INTS6L: variants seen among roughly 807,000 people sequenced by gnomAD.
INTS6L encodes integrator complex subunit 6 like.
Under a neutral mutation model 64.7 loss-of-function variants are expected in INTS6L, and 18 were observed. The ratio of observed to expected loss-of-function variants is 0.28; its 90% CI spans 0.19 to 0.41. INTS6L has a LOEUF of 0.41. Among genes scored for constraint, INTS6L ranks in the 10% least tolerant of loss-of-function variants. The pLI is 1.00. For synonymous variants in INTS6L, 227 were observed against 235.9 expected (o/e 0.96, Z 0.34); for missense variants, 533 against 661.0 (o/e 0.81, Z 2.12).
At chrX:135,558,152 A>G (rs1259743618) in intron 9 of INTS6L, among the ~76,000 whole-genome samples, 2 of 111,994 alleles carry the variant, frequency 1.8e-5, no homozygotes, top group Non-Finnish European at 3.8e-5. Context: ...ACAGAAAATG[A>G]GAAGTGTTGG....
Position 135,574,019 on chromosome X carries a change from C to T in INTS6L, c.1698C>T (p.Ser566=). The part of the protein sequence containing the change: ...GLLDQLTRMR[S]NLLKTHKFIV... ...TAGACCAGCTGACCAGAATGAGATC[C>T]AATCTGCTGAAAACGCACAAGTTTA... Residue 566 remains serine (S), a synonymous_variant, in exon 13 of 18, where the codon TCC becomes TCT. Transcript: ENST00000639893. 8.3e-7 allele frequency: 1 copy of T among 1,203,740 alleles called. No homozygotes were observed.
intron 12 of INTS6L, 105 bp from the exon 13 acceptor site, chrX:135,573,834 G>A: frequency 1.1e-6 from 1 of 915,126 alleles, no homozygotes; most frequent in Non-Finnish European, 1.5e-6. Flanking sequence ...GTAGTCAGTT[G>A]TATTGATATA....
Position 135,579,568 on chromosome X carries a change from T to A in INTS6L, c.2120-220T>A, listed in dbSNP as rs781904373. 3.6e-5 allele frequency among the ~76,000 whole-genome samples: 4 copies of A among 112,327 alleles called. No homozygotes were observed. The East Asian group carries it at 1.1e-3, about 31-fold the overall frequency. On this transcript the variant is annotated intron_variant, in intron 15 of 17. Coordinates refer to ENST00000639893, the MANE Select transcript of INTS6L (RefSeq NM_001351601.3). ...TGAATGTGTGTTTAGAGTTGTACTG[T>A]CTTACTTGGTTTCCATATGTATTCA...
intron 12 of INTS6L, 152 bp from the exon 13 acceptor site, chrX:135,573,787 C>A: frequency 1.8e-6 from 1 of 546,547 alleles, no homozygotes; most frequent in Non-Finnish European, 2.8e-6. Flanking sequence ...CAGAACAAGG[C>A]TAGCAAGTGG....
chrX:135,538,042 T>C (rs1202640733), intron 2 of INTS6L, among the ~76,000 whole-genome samples: 3 of 112,544 alleles, frequency 2.7e-5, no homozygotes, highest in Admixed American at 1.9e-4. Context: ...ATCAGGGCAG[T>C]TGTTGCTGAA....
chrX:135,553,481 A>ATTTT (rs1162273649), intron 8 of INTS6L, among the ~76,000 whole-genome samples: 2 of 80,784 alleles, frequency 2.5e-5, no homozygotes, highest in African/African-American at 8.5e-5. Context: ...AATTTTTTAA[A>ATTTT]TTTTTTTTTT....
At chrX:135,549,005 A>T in intron 6 of INTS6L, among the ~76,000 whole-genome samples, 1 of 112,020 alleles carries the variant, frequency 8.9e-6, no homozygotes, top group Middle Eastern at 4.6e-3. Context: ...TGGTGGATGG[A>T]GAAACCATAG....
intron 9 of INTS6L, among the ~76,000 whole-genome samples, chrX:135,563,633 G>GTGTGTA (rs1556523326): frequency 9.6e-4 from 10 of 10,381 alleles, no homozygotes; most frequent in African/African-American, 1.7e-3. Flanking sequence ...GTGTGTGTGT[G>GTGTGTA]TATATATATA....
chrX:135,563,472 A>G (rs1443180704), intron 9 of INTS6L, among the ~76,000 whole-genome samples: 1 of 109,042 alleles, frequency 9.2e-6, no homozygotes, highest in African/African-American at 3.4e-5. Flanking sequence ...TTCTGTTTAA[A>G]GAACATCCTT....
Position 135,550,584 on chromosome X carries a change from C to G in INTS6L, c.906+779C>G, listed in dbSNP as rs147423059. Reference sequence around the variant, plus strand: ...CTCAGGAGGGGACACAAACAAATCACTACTTCTTCTATTTAACATCTTCCT... The same window carrying G: ...CTCAGGAGGGGACACAAACAAATCAGTACTTCTTCTATTTAACATCTTCCT... On this transcript the variant is annotated intron_variant, in intron 7 of 17. Coordinates refer to ENST00000639893, the MANE Select transcript of INTS6L (RefSeq NM_001351601.3). Among the ~76,000 whole-genome samples, 764 of 111,571 alleles carry G rather than the reference C, an allele frequency of 6.8e-3. 5 individuals carry two copies. Among genetic ancestry groups the G allele is most frequent in the African/African-American group, 0.022 (687 of 30,673 alleles).
At chrX:135,523,656 C>T (rs1234838205) in intron 2 of INTS6L, among the ~76,000 whole-genome samples, 2 of 111,571 alleles carry the variant, frequency 1.8e-5, no homozygotes, top group African/African-American at 6.5e-5. Flanking sequence ...TATTCCAGGT[C>T]GCCACATAGC....
rs1556496067 is a variant in INTS6L, at chrX:135,521,004, G to T, written c.12G>T (p.Leu4=). The T allele has an allele frequency of 8.3e-7, 1 of 1,211,064 alleles. No individual in the cohort carries two copies. The highest frequency in any genetic ancestry group is 2.2e-5 in the Admixed American group (1 of 46,032). Residue 4 remains leucine, a synonymous_variant, in exon 1 of 18, where the codon CTG becomes CTT. Transcript: ENST00000639893. The part of the protein sequence containing the change: MPI[L]LFLIDTSASM... ...GAGTGCGGGGGAAGATGCCCATCCT[G>T]CTGTTCCTCATAGACACGTCCGCCT...
At chrX:135,538,501 C>T (rs1000687157) in intron 2 of INTS6L, among the ~76,000 whole-genome samples, 9 of 111,559 alleles carry the variant, frequency 8.1e-5, no homozygotes, top group African/African-American at 2.6e-4. Context: ...TTAAAGTCAT[C>T]CATGAAGGTT....
chrX:135,581,391 A>G, intron 17 of INTS6L, 137 bp from the exon 18 acceptor site: 1 of 528,795 alleles, frequency 1.9e-6, no homozygotes, highest in African/African-American at 2.4e-5. Flanking sequence ...TACTTGCTCT[A>G]AGACATATCT....
At chrX:135,559,574 T>C (rs1556521002) in intron 9 of INTS6L, among the ~76,000 whole-genome samples, 1 of 112,489 alleles carries the variant, frequency 8.9e-6, no homozygotes, top group East Asian at 2.8e-4. Context: ...TTTATGCTTT[T>C]TGGCTATTGT....
At chrX:135,568,624 A>C (rs1556525982) in intron 9 of INTS6L, among the ~76,000 whole-genome samples, 1 of 111,127 alleles carries the variant, frequency 9.0e-6, no homozygotes, top group Non-Finnish European at 1.9e-5. Flanking sequence ...ATCACAGCTC[A>C]CTGCAGCCTC....
chrX:135,576,327 CAAAA>C (rs34207940), intron 14 of INTS6L, among the ~76,000 whole-genome samples: 1 of 69,402 alleles, frequency 1.4e-5, no homozygotes, highest in Non-Finnish European at 2.6e-5. Context: ...GACTCCATCT[CAAAA>C]AAAAAAAAAA....
At chrX:135,570,595 G>T (rs1556527106) in intron 11 of INTS6L, 49 bp downstream of exon 11, 1 of 1,132,258 alleles carries the variant, frequency 8.8e-7, no homozygotes, top group East Asian at 3.3e-5. Context: ...CCTCAGAAGT[G>T]CATTTCCTTA....
At chrX:135,526,043 A>G (rs2085726146) in intron 2 of INTS6L, among the ~76,000 whole-genome samples, 1 of 112,081 alleles carries the variant, frequency 8.9e-6, no homozygotes, top group Non-Finnish European at 1.9e-5. Flanking sequence ...GACCAGCTGT[A>G]AGATGACTAG....
Sources: allele counts gnomAD v4.1 joint callset (sites outside exome capture counted in the v4.1 genomes callset), GRCh38; gene constraint gnomAD v4.1.1; transcripts MANE v1.5; gene names NCBI Gene and HGNC (gene_info 2026-07-23, HGNC 2026-07-21).